The following COPG2 variants were observed in gnomAD, a reference collection of about 807,000 sequenced individuals.
COPG2 encodes coatomer subunit gamma-2.
A neutral mutation model predicts 46.3 loss-of-function variants in COPG2; 37 were observed. The ratio of observed to expected loss-of-function variants is 0.80; its 90% CI spans 0.61 to 1.05. COPG2 has a LOEUF of 1.05. Ranked by LOEUF, COPG2 falls within the 50% of genes least tolerant of loss-of-function variation. COPG2 has a pLI of 0.00. For missense variants in COPG2, 427 were observed against 387.8 expected, an observed-to-expected ratio of 1.10 and a Z score of -0.85; for synonymous variants, 159 against 129.7, an observed-to-expected ratio of 1.23 and a Z score of -1.53.
chr7:130,629,185 G>C (rs570492260), intron 5 of COPG2, among the ~76,000 whole-genome samples: 2 of 150,926 alleles, frequency 1.3e-5, no homozygotes, highest in African/African-American at 4.9e-5. Flanking sequence ...GTCCTTTTTT[G>C]GGGGGGGTAC....
chr7:130,528,619 G>A (rs1256224565), intron 20 of COPG2, among the ~76,000 whole-genome samples: 1 of 151,738 alleles, frequency 6.6e-6, no homozygotes, highest in African/African-American at 2.4e-5. Flanking sequence ...CAGTAGAGGA[G>A]GAAAGCAGGA....
chr7:130,541,443 C>G (rs968185943), intron 20 of COPG2, among the ~76,000 whole-genome samples: 9 of 151,764 alleles, frequency 5.9e-5, no homozygotes, highest in Non-Finnish European at 8.8e-5. Context: ...GGACTGACAG[C>G]AGCACCCAGG....
chr7:130,642,245 CT>C (rs34046542), intron 5 of COPG2, among the ~76,000 whole-genome samples: 1 of 149,192 alleles, frequency 6.7e-6, no homozygotes, highest in Non-Finnish European at 1.5e-5. Context: ...AACTACATCT[CT>C]TTTTTTTTTC....
chr7:130,620,062 A>T (rs370968078), intron 5 of COPG2, among the ~76,000 whole-genome samples: 9 of 152,268 alleles, frequency 5.9e-5, no homozygotes, highest in South Asian at 2.1e-4. Flanking sequence ...ATGCTATTTT[A>T]ATATGTAGAT....
chr7:130,659,356 A>AAAAAAAAAAACAAAC (rs1160160980), intron 4 of COPG2, among the ~76,000 whole-genome samples: 2 of 147,286 alleles, frequency 1.4e-5, no homozygotes, highest in African/African-American at 5.1e-5. Context: ...CTCCGTCTCA[A>AAAAAAAAAAACAAAC]AAAAAAAAAA....
chr7:130,668,153 G>A (rs1042663698), intron 1 of COPG2, among the ~76,000 whole-genome samples: 1 of 152,142 alleles, frequency 6.6e-6, no homozygotes, highest in Non-Finnish European at 1.5e-5. Context: ...TGCCCCCGGG[G>A]ACCTGGACAG....
chr7:130,566,829 C>G (rs983287251), intron 9 of COPG2, among the ~76,000 whole-genome samples: 140 of 152,288 alleles, frequency 9.2e-4, no homozygotes, highest in African/African-American at 3.2e-3. Flanking sequence ...GGATGTTTCT[C>G]ACGGCCCAGT....
At chr7:130,532,250 G>C (rs1799833760) in intron 20 of COPG2, among the ~76,000 whole-genome samples, 1 of 152,192 alleles carries the variant, frequency 6.6e-6, no homozygotes. Context: ...GGTGCAGCTG[G>C]GGTTTCCAAC....
At chr7:130,533,252 A>C (rs1799846289) in intron 20 of COPG2, among the ~76,000 whole-genome samples, 1 of 151,814 alleles carries the variant, frequency 6.6e-6, no homozygotes, top group African/African-American at 2.4e-5. Context: ...TTGTGAAGCA[A>C]AATATTCACA....
chr7:130,634,058 T>G (rs1166916990), intron 5 of COPG2, among the ~76,000 whole-genome samples: 1 of 152,186 alleles, frequency 6.6e-6, no homozygotes, highest in East Asian at 1.9e-4. Flanking sequence ...CTGAGGCCTC[T>G]GTTCTTTTCC....
chr7:130,517,316 G>C (rs1024806257), intron 20 of COPG2, among the ~76,000 whole-genome samples: 149 of 152,294 alleles, frequency 9.8e-4, no homozygotes, highest in African/African-American at 3.2e-3. Flanking sequence ...AGGCAGATCA[G>C]ATGTATTTTT....
chr7:130,612,595 T>A (rs1338453273), intron 7 of COPG2, among the ~76,000 whole-genome samples: 2 of 152,184 alleles, frequency 1.3e-5, no homozygotes, highest in African/African-American at 4.8e-5. Flanking sequence ...TACTAGTATA[T>A]TCTCTGCTAT....
intron 9 of COPG2, among the ~76,000 whole-genome samples, chr7:130,566,517 G>A (rs1417586666): frequency 2.6e-5 from 4 of 152,310 alleles, no homozygotes; most frequent in African/African-American, 7.2e-5. Context: ...ATGAGAAGGC[G>A]AGGATTAAAG....
At chr7:130,513,388 T>C (rs1306470924) in intron 20 of COPG2, among the ~76,000 whole-genome samples, 1 of 126,724 alleles carries the variant, frequency 7.9e-6, no homozygotes, top group Admixed American at 8.6e-5. Flanking sequence ...TGTGTGTGTG[T>C]GTATATATAT....
intron 5 of COPG2, among the ~76,000 whole-genome samples, chr7:130,624,020 T>C (rs1795078996): frequency 6.6e-6 from 1 of 152,202 alleles, no homozygotes; most frequent in South Asian, 2.1e-4. Context: ...CAGATCAAGA[T>C]ACTGGCAAAT....
chr7:130,647,966 A>G (rs11772632), intron 5 of COPG2, among the ~76,000 whole-genome samples: 29,735 of 151,846 alleles, frequency 0.2, 3,095 homozygotes, highest in Middle Eastern at 0.25. Context: ...TCCTGACCTC[A>G]TGATCCACCC....
chr7:130,565,734 C>T (rs1793792248), intron 9 of COPG2, among the ~76,000 whole-genome samples: 1 of 151,638 alleles, frequency 6.6e-6, no homozygotes, highest in Non-Finnish European at 1.5e-5. Flanking sequence ...AATAAAGTGA[C>T]AGAAATGATT....
At position 130,612,222 on chromosome 7, in the gene COPG2, C is replaced by T. The variant is rs192001216; in HGVS notation, c.509G>A (p.Ser170Asn). 223 of 1,595,564 alleles carry T rather than the reference C, an allele frequency of 1.4e-4. 1 individual carries two copies. The African/African-American group carries it at 2.0e-3, about 14-fold the overall frequency. ...GATCCAGCGCTTAACCACATCATAGCTTATCTTCATCATGTGCTAAATACA... is the reference window on the plus strand; with the variant it reads ...GATCCAGCGCTTAACCACATCATAGTTTATCTTCATCATGTGCTAAATACA... ...LVSSLHMMKI[S>N]YDVVKRWINE... is the part of the protein sequence containing the mutation. The change falls in exon 8 of 24, where the codon AGC becomes AAC. Residue 170 changes from serine (S) to asparagine (N), a missense_variant. Ser to Asn is a conservative substitution (Grantham distance 46). Coordinates refer to ENST00000425248, the MANE Select transcript of COPG2 (RefSeq NM_012133.6).
chr7:130,509,397 G>A (rs190257647), intron 20 of COPG2: 1 of 436,464 alleles, frequency 2.3e-6, no homozygotes, highest in East Asian at 6.8e-5. Context: ...TAGCAAGCAG[G>A]GATGAAGAAA....
Sources: allele counts gnomAD v4.1 joint callset (sites outside exome capture counted in the v4.1 genomes callset), GRCh38; gene constraint gnomAD v4.1.1; transcripts MANE v1.5; gene names NCBI Gene and HGNC (gene_info 2026-07-23, HGNC 2026-07-21).